The following RMND5A variants were observed in gnomAD, a reference collection of about 807,000 sequenced individuals.
RMND5A encodes the protein E3 ubiquitin-protein transferase RMND5A.
In RMND5A, 17 loss-of-function variants were observed where a neutral mutation model predicts 49.7. The ratio of observed to expected loss-of-function variants is 0.34; its 90% confidence interval spans 0.23 to 0.51. The LOEUF (loss-of-function observed/expected upper bound fraction) is 0.51. RMND5A is among the 20% of genes least tolerant of loss of function. The pLI, the probability that RMND5A is intolerant of heterozygous loss-of-function variation, is 0.96. For synonymous variants in RMND5A, 156 were observed against 167.7 expected (o/e 0.93, Z 0.54); for missense variants, 255 against 471.3 (o/e 0.54, Z 4.25).
rs1246762120 is a variant in RMND5A, at chr2:86,728,559, C to T, written c.142+7750C>T. 3.6e-4 allele frequency among the ~76,000 whole-genome samples: 30 copies of T among 84,062 alleles called. 2 individuals carry two copies. Among genetic ancestry groups the T allele is most frequent in the African/African-American group, 1.4e-3 (30 of 21,514 alleles). 55.1% of individuals were successfully genotyped at this position (84,062 alleles called of 152,430 possible). ...GCTCAAGTAATCCACCCGTCTCAGC[C>T]TCCCAAAGTGCTGGGATTACAGGCA... On this transcript the variant is annotated intron_variant, in intron 1 of 8. Coordinates refer to ENST00000283632, the MANE Select transcript of RMND5A (RefSeq NM_022780.4).
chr2:86,761,354 A>G (rs1431349679), intron 4 of RMND5A, among the ~76,000 whole-genome samples: 1 of 152,182 alleles, frequency 6.6e-6, no homozygotes, highest in Non-Finnish European at 1.5e-5. Flanking sequence ...GCGGAGAGTG[A>G]CTTTGAATAA....
intron 4 of RMND5A, among the ~76,000 whole-genome samples, chr2:86,759,681 C>A (rs187568396): frequency 7.1e-6 from 1 of 140,364 alleles, no homozygotes; most frequent in Non-Finnish European, 1.6e-5. Context: ...GCACCTGTAA[C>A]CCCAGCTACT....
intron 6 of RMND5A, among the ~76,000 whole-genome samples, chr2:86,768,551 C>T (rs1672637365): frequency 6.6e-6 from 1 of 152,206 alleles, no homozygotes; most frequent in Non-Finnish European, 1.5e-5. Context: ...GAAAGTTGGA[C>T]TGTATTAGAG....
At chr2:86,771,450 G>C in intron 7 of RMND5A, 108 bp from the exon 8 acceptor site, 1 of 906,160 alleles carries the variant, frequency 1.1e-6, no homozygotes, top group Non-Finnish European at 1.6e-6. Flanking sequence ...GTTACATTCA[G>C]GTGAATAGAT....
intron 4 of RMND5A, among the ~76,000 whole-genome samples, chr2:86,759,804 A>G (rs996442301): frequency 6.6e-6 from 1 of 152,000 alleles, no homozygotes; most frequent in Non-Finnish European, 1.5e-5. Context: ...TGTCTCAAAA[A>G]CAAAAACGTG....
chr2:86,758,553 C>T (rs1681787977), intron 4 of RMND5A, among the ~76,000 whole-genome samples: 2 of 152,140 alleles, frequency 1.3e-5, no homozygotes, highest in Non-Finnish European at 2.9e-5. Context: ...GGTGACCACT[C>T]CTATGTGTAG....
At chr2:86,767,823 G>A (rs1448857398) in intron 6 of RMND5A, among the ~76,000 whole-genome samples, 1 of 152,182 alleles carries the variant, frequency 6.6e-6, no homozygotes, top group African/African-American at 2.4e-5. Flanking sequence ...GTGGTATTAA[G>A]GAGGAGTATC....
intron 6 of RMND5A, among the ~76,000 whole-genome samples, chr2:86,769,691 A>G (rs1302151328): frequency 1.3e-5 from 2 of 149,330 alleles, no homozygotes; most frequent in African/African-American, 2.5e-5. Flanking sequence ...TTTTTTTTTT[A>G]ACGTTTGCGT....
chr2:86,728,431 C>T lies in RMND5A; in HGVS notation c.142+7622C>T, dbSNP rs1681303306. 2.7e-5 allele frequency among the ~76,000 whole-genome samples: 2 copies of T among 74,732 alleles called. 1 individual carries two copies. The highest frequency in any genetic ancestry group is 5.5e-5 in the Non-Finnish European group (2 of 36,274). 49.0% of individuals were successfully genotyped at this position (74,732 alleles called of 152,430 possible). A position where few individuals can be genotyped will look rare whatever the true frequency, so the allele number is the denominator to read the frequency against. ...AGGGTTCAAGCGATTCTTGTGCTCC[C>T]AAGTAGCTGGGATTACAGGTGTGCA... is the stretch of plus-strand genomic sequence containing the variant. On this transcript the variant is annotated intron_variant, in intron 1 of 8. Coordinates refer to ENST00000283632, the MANE Select transcript of RMND5A (RefSeq NM_022780.4).
At chr2:86,769,822 C>T (rs1672660200) in intron 6 of RMND5A, among the ~76,000 whole-genome samples, 1 of 151,936 alleles carries the variant, frequency 6.6e-6, no homozygotes. Flanking sequence ...TACCAGTGGG[C>T]CTGGGGAAGA....
At position 86,765,142 on chromosome 2, in the gene RMND5A, G is replaced by A; in HGVS notation, c.637G>A (p.Ala213Thr). ...LMGGTTNQREALQYAKNFQPF... is the reference protein window; with the variant it reads ...LMGGTTNQRETLQYAKNFQPF... ...GGGTGGAACCACAAATCAGCGAGAGGCATTACAATATGCTAAAAATTTTCA... is the reference window on the plus strand; with the variant it reads ...GGGTGGAACCACAAATCAGCGAGAGACATTACAATATGCTAAAAATTTTCA... The change falls in exon 5 of 9, where the codon GCA becomes ACA. Residue 213 changes from alanine (A) to threonine (T), a missense_variant. Coordinates refer to ENST00000283632, the MANE Select transcript of RMND5A (RefSeq NM_022780.4). 6.2e-7 allele frequency: 1 copy of A among 1,613,970 alleles called. No individual in the cohort carries two copies. The highest frequency in any genetic ancestry group is 2.2e-5 in the East Asian group (1 of 44,862).
intron 2 of RMND5A, among the ~76,000 whole-genome samples, chr2:86,749,185 A>G (rs922154874): frequency 3.9e-5 from 6 of 152,224 alleles, no homozygotes; most frequent in African/African-American, 1.4e-4. Flanking sequence ...TGTAGTTGTC[A>G]TAGACAGCAT....
chr2:86,757,736 A>G (rs1031048815), intron 4 of RMND5A, among the ~76,000 whole-genome samples: 2 of 152,210 alleles, frequency 1.3e-5, no homozygotes, highest in Non-Finnish European at 2.9e-5. Context: ...ACAGTCTAGT[A>G]TCTGACTTTC....
intron 4 of RMND5A, among the ~76,000 whole-genome samples, chr2:86,754,713 GC>G (rs1288884488): frequency 1.3e-5 from 2 of 151,852 alleles, no homozygotes; most frequent in Non-Finnish European, 2.9e-5. Flanking sequence ...GTGCCGTTAT[GC>G]CCAGCTAATT....
chr2:86,758,186 A>G (rs1681779424), intron 4 of RMND5A, among the ~76,000 whole-genome samples: 1 of 152,180 alleles, frequency 6.6e-6, no homozygotes. Context: ...ATACAGTGAA[A>G]AGTAAATCTC....
chr2:86,760,486 G>A (rs1359223133), intron 4 of RMND5A, among the ~76,000 whole-genome samples: 1 of 152,176 alleles, frequency 6.6e-6, no homozygotes, highest in Non-Finnish European at 1.5e-5. Context: ...TTAACTGTGA[G>A]CAATTGTATA....
intron 1 of RMND5A, 91 bp downstream of exon 1, chr2:86,720,900 G>T (rs1314818865): frequency 3.9e-6 from 5 of 1,287,694 alleles, no homozygotes; most frequent in Non-Finnish European, 5.1e-6. Flanking sequence ...CCACCCTCGC[G>T]CCTCTGGCCC....
At chr2:86,745,472 G>C (rs967981248) in intron 2 of RMND5A, among the ~76,000 whole-genome samples, 1 of 152,178 alleles carries the variant, frequency 6.6e-6, no homozygotes, top group African/African-American at 2.4e-5. Flanking sequence ...TTGAGGCTCG[G>C]AAAGGGCAAA....
chr2:86,754,742 G>A (rs971024695), intron 4 of RMND5A, among the ~76,000 whole-genome samples: 2 of 151,764 alleles, frequency 1.3e-5, no homozygotes, highest in Non-Finnish European at 2.9e-5. Context: ...ATTTTTTTTT[G>A]TAGAGACAGG....
Sources: allele counts gnomAD v4.1 joint callset (sites outside exome capture counted in the v4.1 genomes callset), GRCh38; gene constraint gnomAD v4.1.1; transcripts MANE v1.5; gene names NCBI Gene and HGNC (gene_info 2026-07-23, HGNC 2026-07-21).